Variants in CACNA1D observed in about 807,000 individuals in gnomAD.
CACNA1D encodes the protein calcium voltage-gated channel subunit alpha1 D, also known as voltage-dependent L-type calcium channel subunit alpha-1D.
CACNA1D carries 55 observed loss-of-function variants against 257.1 expected under a neutral mutation model. That is an observed-to-expected ratio of 0.21 (90% CI 0.17 to 0.27). CACNA1D has a LOEUF of 0.27. Among genes scored for constraint, CACNA1D ranks in the 10% least tolerant of loss-of-function variants. The pLI, the probability that CACNA1D is intolerant of heterozygous loss-of-function variation, is 1.00. For missense variants in CACNA1D, 1,876 were observed against 2,784.0 expected, an observed-to-expected ratio of 0.67 and a Z score of 7.34; for synonymous variants, 980 against 1,014.9, an observed-to-expected ratio of 0.97 and a Z score of 0.65.
At chr3:53,726,303 T>C (rs1463348463) in intron 14 of CACNA1D, among the ~76,000 whole-genome samples, 1 of 152,222 alleles carries the variant, frequency 6.6e-6, no homozygotes, top group Non-Finnish European at 1.5e-5. Flanking sequence ...GCATGCTTTC[T>C]GGGGAAGGGA....
At chr3:53,743,465 C>T (rs2095136544) in intron 22 of CACNA1D, among the ~76,000 whole-genome samples, 1 of 152,218 alleles carries the variant, frequency 6.6e-6, no homozygotes, top group Admixed American at 6.5e-5. Context: ...CTCAGGAACC[C>T]TGTGCCCCTT....
At chr3:53,561,383 A>T (rs1287668549) in intron 3 of CACNA1D, among the ~76,000 whole-genome samples, 1 of 152,208 alleles carries the variant, frequency 6.6e-6, no homozygotes, top group Admixed American at 6.5e-5. Flanking sequence ...TCAAGGTCTT[A>T]GTCTCCATGC....
intron 3 of CACNA1D, among the ~76,000 whole-genome samples, chr3:53,553,448 AT>A (rs1559831335): frequency 6.6e-6 from 1 of 152,186 alleles, no homozygotes; most frequent in Non-Finnish European, 1.5e-5. Context: ...CATCAAAGGC[AT>A]TTGCTGGTGG....
intron 8 of CACNA1D, among the ~76,000 whole-genome samples, chr3:53,676,332 A>G (rs1450160738): frequency 6.7e-6 from 1 of 149,698 alleles, no homozygotes; most frequent in African/African-American, 2.5e-5. Flanking sequence ...TTACTTTCCC[A>G]TTGATATTTT....
chr3:53,524,551 G>A (rs2091692166), intron 3 of CACNA1D, among the ~76,000 whole-genome samples: 2 of 152,216 alleles, frequency 1.3e-5, no homozygotes, highest in Non-Finnish European at 2.9e-5. Flanking sequence ...GCACTTTTAA[G>A]TTAGTAGGAA....
chr3:53,642,794 G>C (rs886536087), intron 3 of CACNA1D, among the ~76,000 whole-genome samples: 2 of 152,242 alleles, frequency 1.3e-5, no homozygotes, highest in African/African-American at 4.8e-5. Context: ...TGATTGTGGG[G>C]TCACTGAACT....
Position 53,811,357 on chromosome 3 carries a change from G to A in CACNA1D, c.6437G>A (p.Arg2146Lys), listed in dbSNP as rs150838215. ...GYSDEEPDPG[R>K]DEEDLADEMI... ...AGCGACGAAGAGCCAGACCCTGGGAGGGATGAGGAGGACCTGGCGGATGAA... is the reference window on the plus strand; with the variant it reads ...AGCGACGAAGAGCCAGACCCTGGGAAGGATGAGGAGGACCTGGCGGATGAA... Residue 2146 changes from arginine (R) to lysine (K), a missense_variant, in exon 48 of 48, where the codon AGG becomes AAG. Arg to Lys is a conservative substitution (Grantham distance 26). Coordinates refer to ENST00000350061, the MANE Select transcript of CACNA1D (RefSeq NM_001128840.3). The surrounding 1 kb of genome is among the most constrained non-coding windows in gnomAD (Gnocchi z 4.2). 400 of 1,594,098 alleles carry A rather than the reference G, an allele frequency of 2.5e-4. 1 individual carries two copies. The African/African-American group carries it at 4.9e-3, about 20-fold the overall frequency.
chr3:53,808,680 C>T lies in CACNA1D; in HGVS notation c.5781C>T (p.Cys1927=). The change falls in exon 46 of 48, where the codon TGC becomes TGT. Residue 1927 remains cysteine, a synonymous_variant. Coordinates refer to ENST00000350061, the MANE Select transcript of CACNA1D (RefSeq NM_001128840.3). ...SHRRSSFNFE[C]LRRQSSQEEV... ...GGAGATCCTCCTTCAACTTTGAGTG[C>T]CTGCGCCGGCAGAGCAGCCAGGAAG... The T allele has an allele frequency of 1.2e-6, 2 of 1,609,358 alleles. No homozygotes were observed. Among genetic ancestry groups the T allele is most frequent in the Non-Finnish European group, 1.7e-6 (2 of 1,179,978 alleles).
At position 53,563,295 on chromosome 3, in the gene CACNA1D, G is replaced by A. The variant is rs1177131248; in HGVS notation, c.483+61575G>A. Among the ~76,000 whole-genome samples the A allele has an allele frequency of 3.3e-5, 5 of 152,084 alleles. No homozygotes were observed. The South Asian group carries it at 1.0e-3, about 32-fold the overall frequency. On this transcript the variant is annotated intron_variant, in intron 3 of 47. Transcript: ENST00000350061. Reference sequence around the variant, plus strand: ...TGCCAGCACTGTGGGAGGCCAAGGCGGATGGATCACCTGAGGTCAGGAGTT... The same window carrying A: ...TGCCAGCACTGTGGGAGGCCAAGGCAGATGGATCACCTGAGGTCAGGAGTT...
chr3:53,606,760 C>T (rs963026706), intron 3 of CACNA1D, among the ~76,000 whole-genome samples: 7 of 152,162 alleles, frequency 4.6e-5, no homozygotes, highest in African/African-American at 1.7e-4. Context: ...AACTACCAAC[C>T]CACTCAAGAT....
At chr3:53,503,796 T>C (rs1194875119) in intron 3 of CACNA1D, among the ~76,000 whole-genome samples, 4 of 150,542 alleles carry the variant, frequency 2.7e-5, no homozygotes, top group Non-Finnish European at 5.9e-5. Flanking sequence ...GATTTGGCAG[T>C]GTGTTAATTT....
chr3:53,730,048 T>TAA (rs76372858), intron 15 of CACNA1D, among the ~76,000 whole-genome samples: 12 of 149,870 alleles, frequency 8.0e-5, no homozygotes, highest in East Asian at 3.9e-4. Context: ...AGTATGTGTT[T>TAA]AAAAAAAAAA....
intron 4 of CACNA1D, among the ~76,000 whole-genome samples, chr3:53,652,045 G>A (rs1349200142): frequency 1.3e-5 from 2 of 152,134 alleles, no homozygotes; most frequent in Non-Finnish European, 2.9e-5. Context: ...CCAATACATT[G>A]TCATTTAAGG....
At chr3:53,739,274 G>A (rs1273999426) in intron 20 of CACNA1D, among the ~76,000 whole-genome samples, 1 of 152,210 alleles carries the variant, frequency 6.6e-6, no homozygotes, top group African/African-American at 2.4e-5. Context: ...AAAGGATTAG[G>A]CCTGGGTGGT....
intron 26 of CACNA1D, among the ~76,000 whole-genome samples, chr3:53,747,750 C>T (rs1459526835): frequency 1.3e-5 from 2 of 152,048 alleles, no homozygotes; most frequent in South Asian, 2.1e-4. Flanking sequence ...CCATCCGCTG[C>T]TCCCAAAGAG....
chr3:53,506,682 T>A (rs1302677005), intron 3 of CACNA1D, among the ~76,000 whole-genome samples: 1 of 152,176 alleles, frequency 6.6e-6, no homozygotes, highest in East Asian at 1.9e-4. Flanking sequence ...GAGGCTGACT[T>A]TTTGTCCATT....
rs377308145 is a variant in CACNA1D at position 53,632,835 on chromosome 3, G to A, written c.484-17944G>A. On this transcript the variant is annotated intron_variant, in intron 3 of 47. Coordinates refer to ENST00000350061, the MANE Select transcript of CACNA1D (RefSeq NM_001128840.3). Reference sequence around the variant, plus strand: ...ATTTTGTTCACAGTCTTCTATGGGCGCAGTTTGTGATGTCTCCAAACAATT... The same window carrying A: ...ATTTTGTTCACAGTCTTCTATGGGCACAGTTTGTGATGTCTCCAAACAATT... Among the ~76,000 whole-genome samples, 183 of 152,310 alleles carry A rather than the reference G, an allele frequency of 1.2e-3. 7 individuals are homozygous for A. In the South Asian group the frequency reaches 0.035, roughly 29 times the overall value.
At chr3:53,735,622 C>A in intron 20 of CACNA1D, 119 bp downstream of exon 20, 1 of 1,119,248 alleles carries the variant, frequency 8.9e-7, no homozygotes, top group Non-Finnish European at 1.3e-6. Flanking sequence ...GTCTTTCCTT[C>A]AGCTGGGGAC....
chr3:53,569,740 T>G (rs919179007), intron 3 of CACNA1D, among the ~76,000 whole-genome samples: 1 of 152,218 alleles, frequency 6.6e-6, no homozygotes, highest in Non-Finnish European at 1.5e-5. Flanking sequence ...ATCATTGATT[T>G]GGGGAGGCTA....
Sources: allele counts gnomAD v4.1 joint callset (sites outside exome capture counted in the v4.1 genomes callset), GRCh38; gene constraint gnomAD v4.1.1; non-coding constraint Gnocchi (gnomAD v3.1); transcripts MANE v1.5; gene names NCBI Gene and HGNC (gene_info 2026-07-23, HGNC 2026-07-21).